Variants in RFTN1 observed in about 807,000 individuals in gnomAD.
The protein encoded by RFTN1 is raftlin, lipid raft linker 1, also known as raftlin.
A neutral mutation model predicts 46.5 loss-of-function variants in RFTN1; 26 were observed. The ratio of observed to expected loss-of-function variants is 0.56; its 90% CI spans 0.41 to 0.78. The LOEUF (loss-of-function observed/expected upper bound fraction) is 0.78. Among genes scored for constraint, RFTN1 ranks in the 30% least tolerant of loss-of-function variants. The pLI is 0.00. For synonymous variants in RFTN1, 261 were observed against 284.2 expected (o/e 0.92, Z 0.82); for missense variants, 693 against 718.7 (o/e 0.96, Z 0.41).
At chr3:16,405,463 G>C (rs1334557135) in intron 4 of RFTN1, among the ~76,000 whole-genome samples, 3 of 152,138 alleles carry the variant, frequency 2.0e-5, no homozygotes, top group Admixed American at 1.3e-4. Flanking sequence ...TGACCAGCTA[G>C]AGCACTCAGA....
chr3:16,430,024 C>G (rs773813609), intron 3 of RFTN1, among the ~76,000 whole-genome samples: 41 of 152,176 alleles, frequency 2.7e-4, no homozygotes, highest in Admixed American at 2.0e-4. Flanking sequence ...CTTTAACTGT[C>G]TGAATTAAAA....
chr3:16,449,854 G>A lies in RFTN1; in HGVS notation c.146-15817C>T, dbSNP rs921628387. 2.6e-5 allele frequency among the ~76,000 whole-genome samples: 4 copies of A among 152,192 alleles called. No individual in the cohort carries two copies. The highest frequency in any genetic ancestry group is 9.7e-5 in the African/African-American group (4 of 41,432). On this transcript the variant is annotated intron_variant, in intron 2 of 9. Coordinates refer to ENST00000334133, the MANE Select transcript of RFTN1 (RefSeq NM_015150.2). The surrounding 1 kb of genome is among the most constrained non-coding windows in gnomAD (Gnocchi z 5.1). The stretch of plus-strand genomic sequence containing the variant: ...TACTTGTGGAAAGGGATGTGAGGAG[G>A]AAGGGGCAGGGCGTGTCTGCAATGG...
chr3:16,318,619 C>G (rs842423), intron 9 of RFTN1, among the ~76,000 whole-genome samples: 47,315 of 151,794 alleles, frequency 0.31, 8,139 homozygotes, highest in Non-Finnish European at 0.38. Flanking sequence ...TTATAGGATT[C>G]TTGGATTTAG....
chr3:16,471,942 A>C (rs1218568237), intron 2 of RFTN1: 2 of 152,112 alleles, frequency 1.3e-5, no homozygotes, highest in East Asian at 3.8e-4. Flanking sequence ...GCCCACACCA[A>C]GCCTCAGAAT....
Position 16,447,242 on chromosome 3 carries a change from C to T in RFTN1, c.146-13205G>A, listed in dbSNP as rs1394518189. 6.6e-6 allele frequency among the ~76,000 whole-genome samples: 1 copy of T among 152,190 alleles called. No homozygotes were observed. The highest frequency in any genetic ancestry group is 1.9e-4 in the East Asian group (1 of 5,200). ...CAAATAATATTCCTCTGTCTTATGA[C>T]ATCACAAAAGATTCAACAAAACTCA... On this transcript the variant is annotated intron_variant, in intron 2 of 9. Coordinates refer to ENST00000334133, the MANE Select transcript of RFTN1 (RefSeq NM_015150.2). The surrounding 1 kb of genome is among the most constrained non-coding windows in gnomAD (Gnocchi z 5.9).
intron 3 of RFTN1, among the ~76,000 whole-genome samples, chr3:16,416,558 T>A (rs572651937): frequency 6.6e-6 from 1 of 152,358 alleles, no homozygotes; most frequent in African/African-American, 2.4e-5. Context: ...GAAGTGCATA[T>A]GAGAATTCTC....
intron 4 of RFTN1, among the ~76,000 whole-genome samples, chr3:16,403,860 A>C (rs2074702554): frequency 4.8e-4 from 1 of 2,076 alleles, no homozygotes; most frequent in Non-Finnish European, 5.9e-4. Context: ...TATTTTATAT[A>C]TATTATATTA....
intron 2 of RFTN1, among the ~76,000 whole-genome samples, chr3:16,492,635 A>G (rs759090052): frequency 2.6e-5 from 4 of 152,196 alleles, no homozygotes; most frequent in Non-Finnish European, 4.4e-5. Context: ...TGTTCAGATG[A>G]CTTCATTACA....
chr3:16,439,487 ATGG>A (rs2075580663), intron 2 of RFTN1, among the ~76,000 whole-genome samples: 1 of 152,210 alleles, frequency 6.6e-6, no homozygotes, highest in Non-Finnish European at 1.5e-5. Flanking sequence ...AAGACTTTGG[ATGG>A]GCAATTGCAA....
intron 1 of RFTN1, among the ~76,000 whole-genome samples, chr3:16,505,109 A>G (rs2076781250): frequency 6.6e-6 from 1 of 152,048 alleles, no homozygotes; most frequent in African/African-American, 2.4e-5. Context: ...CCCCTCATCC[A>G]TCTAATTCCT....
chr3:16,380,982 C>G lies in RFTN1; in HGVS notation c.442-2880G>C, dbSNP rs577118502. Among the ~76,000 whole-genome samples the G allele has an allele frequency of 6.6e-6, 1 of 152,290 alleles. No homozygotes were observed. Among genetic ancestry groups the G allele is most frequent in the Admixed American group, 6.5e-5 (1 of 15,300 alleles). On this transcript the variant is annotated intron_variant, in intron 4 of 9. Coordinates refer to ENST00000334133, the MANE Select transcript of RFTN1 (RefSeq NM_015150.2). This position sits in a 1 kb window ranked among gnomAD's most constrained non-coding sequence, Gnocchi z 4.8. ...AATCCAACAAATAGTTAATAAGCCC[C>G]TACACTGGTCCAGGCCAACACGGTG...
chr3:16,347,494 TTTC>T lies in RFTN1; in HGVS notation c.1146+10435_1146+10437del, dbSNP rs556348516. 45 of 152,386 alleles carry T rather than the reference TTTC, an allele frequency of 3.0e-4. 1 individual carries two copies. The highest frequency in any genetic ancestry group is 1.0e-3 in the African/African-American group (43 of 41,590). 9.4% of individuals were successfully genotyped at this position (152,386 alleles called of 1,614,324 possible). The stretch of plus-strand genomic sequence containing the variant: ...TTTCCAGCACTAGTGGCTGCTGGCA[TTTC>T]TTGTCTTGTGGCCTCACTACTCCAA... On this transcript the variant is annotated intron_variant, in intron 7 of 9. Transcript: ENST00000334133.
rs2075595786 is a variant in RFTN1, at chr3:16,440,259, C to T, written c.146-6222G>A. 6.6e-6 allele frequency among the ~76,000 whole-genome samples: 1 copy of T among 152,370 alleles called. No individual in the cohort carries two copies. The highest frequency in any genetic ancestry group is 3.4e-3 in the Middle Eastern group (1 of 294). On this transcript the variant is annotated intron_variant, in intron 2 of 9. Transcript: ENST00000334133. This position sits in a 1 kb window ranked among gnomAD's most constrained non-coding sequence, Gnocchi z 4.6. ...TGGGAAGGACACCCACGTGCTCCCA[C>T]ACTGCCACAATCTTGGCTCACTGAA...
At position 16,344,789 on chromosome 3, in the gene RFTN1, A is replaced by C. The variant is rs915891394; in HGVS notation, c.1146+13143T>G. On this transcript the variant is annotated intron_variant, in intron 7 of 9. Coordinates refer to ENST00000334133, the MANE Select transcript of RFTN1 (RefSeq NM_015150.2). This position sits in a 1 kb window ranked among gnomAD's most constrained non-coding sequence, Gnocchi z 4.4. ...ACCCATAGGCCCTTCCTTTTTATTT[A>C]GTTGTATTAAAAGCCTTGGCCAGGT... Among the ~76,000 whole-genome samples the C allele has an allele frequency of 6.6e-6, 1 of 152,170 alleles. No homozygotes were observed. The highest frequency in any genetic ancestry group is 2.4e-5 in the African/African-American group (1 of 41,418).
intron 3 of RFTN1, among the ~76,000 whole-genome samples, chr3:16,414,198 G>A (rs1309762649): frequency 6.6e-6 from 1 of 151,716 alleles, no homozygotes; most frequent in Non-Finnish European, 1.5e-5. Flanking sequence ...CAAAACCTCT[G>A]CCTTTGTGGA....
chr3:16,446,409 G>C lies in RFTN1; in HGVS notation c.146-12372C>G, dbSNP rs1429822831. On this transcript the variant is annotated intron_variant, in intron 2 of 9. Transcript: ENST00000334133. This position sits in a 1 kb window ranked among gnomAD's most constrained non-coding sequence, Gnocchi z 4.5. ...CAACCATCACCACCATCTATCTCCAGGAAATCTTCATCGGCCTCATCTCTC... is the reference window on the plus strand; with the variant it reads ...CAACCATCACCACCATCTATCTCCACGAAATCTTCATCGGCCTCATCTCTC... 2.0e-5 allele frequency among the ~76,000 whole-genome samples: 3 copies of C among 151,940 alleles called. No individual in the cohort carries two copies.
At position 16,337,740 on chromosome 3, in the gene RFTN1, CAAAAA is replaced by C. The variant is rs5846920; in HGVS notation, c.1147-10869_1147-10865del. Among the ~76,000 whole-genome samples, 1 of 95,176 alleles carries C rather than the reference CAAAAA, an allele frequency of 1.1e-5. No homozygotes were observed. The highest frequency in any genetic ancestry group is 2.4e-5 in the Non-Finnish European group (1 of 42,252). The allele number at this position is 95,176 out of a possible 152,430, so 62.4% of individuals were successfully genotyped here. A position where few individuals can be genotyped will look rare whatever the true frequency, so the allele number is the denominator to read the frequency against. ...CTGGCGACAGAGCGAGACTCCATCT[CAAAAA>C]AAAAAAAAAAAAGAAAAGAAAGTCA... On this transcript the variant is annotated intron_variant, in intron 7 of 9. Coordinates refer to ENST00000334133, the MANE Select transcript of RFTN1 (RefSeq NM_015150.2). The surrounding 1 kb of genome is among the most constrained non-coding windows in gnomAD (Gnocchi z 5.0).
At chr3:16,359,300 C>T (rs1199308515) in intron 6 of RFTN1, among the ~76,000 whole-genome samples, 1 of 152,176 alleles carries the variant, frequency 6.6e-6, no homozygotes, top group Non-Finnish European at 1.5e-5. Flanking sequence ...AGACTTGATG[C>T]TATAAACACT....
Position 16,407,251 on chromosome 3 carries a change from T to C in RFTN1, c.441+2124A>G, listed in dbSNP as rs1312795579. Among the ~76,000 whole-genome samples the C allele has an allele frequency of 6.6e-6, 1 of 152,214 alleles. No homozygotes were observed. Among genetic ancestry groups the C allele is most frequent in the African/African-American group, 2.4e-5 (1 of 41,450 alleles). On this transcript the variant is annotated intron_variant, in intron 4 of 9. Coordinates refer to ENST00000334133, the MANE Select transcript of RFTN1 (RefSeq NM_015150.2). This position sits in a 1 kb window ranked among gnomAD's most constrained non-coding sequence, Gnocchi z 4.0. ...AGGCTGGAGTGCAGTGGTGCAATCA[T>C]AGCTCACTGTGGTCTCAAACTCCTG...
Sources: gnomAD v4.1 joint callset for allele counts (sites outside exome capture counted in the v4.1 genomes callset) on GRCh38, gnomAD v4.1.1 for gene constraint, Gnocchi (gnomAD v3.1) non-coding constraint, MANE v1.5 for transcripts, NCBI Gene and HGNC (gene_info 2026-07-23, HGNC 2026-07-21) for gene names.